Variants in ABCA12 observed in about 807,000 individuals in gnomAD.
ABCA12 encodes ATP binding cassette subfamily A member 12, also known as glucosylceramide transporter ABCA12.
In ABCA12, 156 loss-of-function variants were observed where a neutral mutation model predicts 293.5. That is an observed-to-expected ratio of 0.53 (90% confidence interval 0.47 to 0.61). ABCA12 has a LOEUF of 0.61. Ranked by LOEUF, ABCA12 falls within the 20% of genes least tolerant of loss-of-function variation. The probability of loss-of-function intolerance (pLI) is 0.00; values close to 1 mark genes in which losing one functional copy is unlikely to be tolerated. For synonymous variants in ABCA12, 1,063 were observed against 1,108.0 expected (o/e 0.96, Z 0.81); for missense variants, 2,797 against 3,090.2 (o/e 0.91, Z 2.25).
rs1699032387 is a variant in ABCA12 at position 214,958,880 on chromosome 2, C to A, written c.5939+144G>T. The A allele has an allele frequency of 4.3e-6, 4 of 935,558 alleles. No individual in the cohort carries two copies. The South Asian group carries it at 5.4e-5, about 13-fold the overall frequency. The allele number at this position is 935,558 out of a possible 1,614,324, so 58.0% of individuals were successfully genotyped here. ...CCACTCTACACCCTTGCAGAAACTT[C>A]CTTTGATCCCAGTCAGTGACATATT... On this transcript the variant is annotated intron_variant, in intron 40 of 52. Coordinates refer to ENST00000272895, the MANE Select transcript of ABCA12 (RefSeq NM_173076.3).
chr2:215,054,518 G>A lies in ABCA12; in HGVS notation c.409+55C>T. On this transcript the variant is annotated intron_variant, in intron 4 of 52. Coordinates refer to ENST00000272895, the MANE Select transcript of ABCA12 (RefSeq NM_173076.3). Reference sequence around the variant, plus strand: ...TAAAGTATAAACCTTTCAAAGATTAGACCTTTACTGTTCCATAAGGCTTGT... The same window carrying A: ...TAAAGTATAAACCTTTCAAAGATTAAACCTTTACTGTTCCATAAGGCTTGT... 3.6e-6 allele frequency: 5 copies of A among 1,379,850 alleles called. No homozygotes were observed. In the South Asian group the frequency reaches 5.8e-5, roughly 16 times the overall value. 85.5% of individuals were successfully genotyped at this position (1,379,850 alleles called of 1,614,324 possible). A position where few individuals can be genotyped will look rare whatever the true frequency, so the allele number is the denominator to read the frequency against.
chr2:215,004,265 A>G lies in ABCA12; in HGVS notation c.2627T>C (p.Val876Ala). ...TLRNPFVQVF[V>A]KFSVGLDAVE... ...AGCATCGAGTCCCACGGAGAACTTTACAAAAACTTGCACAAAAGGGTTCCT... is the reference window on the plus strand; with the variant it reads ...AGCATCGAGTCCCACGGAGAACTTTGCAAAAACTTGCACAAAAGGGTTCCT... Residue 876 changes from valine (V) to alanine (A), a missense_variant, in exon 20 of 53, where the codon GTA becomes GCA. Physicochemically the swap from Val to Ala is moderately conservative, Grantham distance 64 (BLOSUM62 0). This residue lies in a region of ABCA12 where 2,130 missense variants were observed against 2,427.0 expected (regional missense o/e 0.88). Coordinates refer to ENST00000272895, the MANE Select transcript of ABCA12 (RefSeq NM_173076.3). The G allele has an allele frequency of 1.9e-6, 3 of 1,613,896 alleles. No individual in the cohort carries two copies. Among genetic ancestry groups the G allele is most frequent in the Non-Finnish European group, 1.7e-6 (2 of 1,179,968 alleles).
chr2:215,045,685 T>C (rs781429006), intron 7 of ABCA12, 152 bp downstream of exon 7: 5 of 720,212 alleles, frequency 6.9e-6, no homozygotes, highest in Non-Finnish European at 1.1e-5. Flanking sequence ...ACTAATACAC[T>C]CACCTTCACT....
chr2:214,987,517 T>TA, intron 27 of ABCA12, 130 bp downstream of exon 27: 1 of 1,215,066 alleles, frequency 8.2e-7, no homozygotes, highest in Non-Finnish European at 1.1e-6. Flanking sequence ...GACGCATGTG[T>TA]AGACATTTTC....
At chr2:214,955,451 G>A in intron 42 of ABCA12, 90 bp from the exon 43 acceptor site, 1 of 1,336,036 alleles carries the variant, frequency 7.5e-7, no homozygotes, top group Non-Finnish European at 1.1e-6. Context: ...GGAGGCTGAG[G>A]CAGGTGGATC....
chr2:214,947,143 T>A lies in ABCA12; in HGVS notation c.7239+279A>T, dbSNP rs188080351. ...TACTCATTTGAGTACCCTGAATTTG[T>A]TTCACTTCCCATTTCCATGCCAGTG... On this transcript the variant is annotated intron_variant, in intron 48 of 52. Transcript: ENST00000272895. Among the ~76,000 whole-genome samples, 5 of 152,306 alleles carry A rather than the reference T, an allele frequency of 3.3e-5. No homozygotes were observed. The East Asian group carries it at 9.6e-4, about 29-fold the overall frequency.
At position 214,947,465 on chromosome 2, in the gene ABCA12, G is replaced by A; in HGVS notation, c.7196C>T (p.Ser2399Phe). The A allele has an allele frequency of 6.2e-7, 1 of 1,613,948 alleles. No homozygotes were observed. The highest frequency in any genetic ancestry group is 8.5e-7 in the Non-Finnish European group (1 of 1,179,888). ...TTTCCCTATCAAGGCCAGTGCAGTG[G>A]ATAATTTTCTTTTTGTGCCATAACT... ...MCSYGTKRKL[S>F]TALALIGKPS... The change falls in exon 48 of 53, where the codon TCC becomes TTC. Residue 2399 changes from serine to phenylalanine, a missense_variant. Around this residue, in one of 3 missense-constraint regions of ABCA12, gnomAD observed 2,130 missense variants for 2,427.0 expected, o/e 0.88. Transcript: ENST00000272895.
At chr2:215,053,701 C>T (rs1227521681) in intron 4 of ABCA12, among the ~76,000 whole-genome samples, 1 of 151,840 alleles carries the variant, frequency 6.6e-6, no homozygotes, top group Non-Finnish European at 1.5e-5. Flanking sequence ...CTTAAATATC[C>T]CATGGCCTTT....
At chr2:214,934,578 A>G (rs934079429) in intron 51 of ABCA12, among the ~76,000 whole-genome samples, 3 of 152,176 alleles carry the variant, frequency 2.0e-5, no homozygotes, top group African/African-American at 7.2e-5. Context: ...AAGAAATTTC[A>G]TTTTTGTGTT....
rs757517407 is a variant in ABCA12 at position 214,970,335 on chromosome 2, G to T, written c.5628C>A (p.Asn1876Lys). The change falls in exon 37 of 53, where the codon AAC becomes AAA. Residue 1876 changes from asparagine to lysine, a missense_variant. By Grantham distance (94) the Asn-to-Lys change is moderately conservative. Coordinates refer to ENST00000272895, the MANE Select transcript of ABCA12 (RefSeq NM_173076.3). ...AATTTTCCACTCGTTGCCCAGTGAG[G>T]TTATAAATTACCTGGGATGAGTAAG... ...RRTYSSQVIY[N>K]LTGQRVENYL... 19 of 1,613,052 alleles carry T rather than the reference G, an allele frequency of 1.2e-5. No homozygotes were observed. The South Asian group carries it at 1.3e-4, about 11-fold the overall frequency.
rs1268312876 is a variant in ABCA12, at chr2:215,081,504, AAG to A, written c.164-17287_164-17286del. 6.4e-3 allele frequency among the ~76,000 whole-genome samples: 960 copies of A among 149,274 alleles called. 6 individuals carry two copies. The highest frequency in any genetic ancestry group is 0.022 in the African/African-American group (894 of 40,632). On this transcript the variant is annotated intron_variant, in intron 2 of 52. Coordinates refer to ENST00000272895, the MANE Select transcript of ABCA12 (RefSeq NM_173076.3). ...AAAAAAAAAAAAAAGAAAAAGAAAA[AAG>A]AAAAAGAAAAAAGAAAAAGTAAAAG...
At chr2:215,104,344 AG>A (rs1194730867) in intron 2 of ABCA12, among the ~76,000 whole-genome samples, 1 of 152,180 alleles carries the variant, frequency 6.6e-6, no homozygotes, top group Non-Finnish European at 1.5e-5. Flanking sequence ...TGAGCCTAAG[AG>A]GGCATTAGCT....
intron 28 of ABCA12, 67 bp from the exon 29 acceptor site, chr2:214,983,932 T>G: frequency 7.1e-7 from 1 of 1,416,070 alleles, no homozygotes; most frequent in Non-Finnish European, 9.8e-7. Context: ...GGAATAACTA[T>G]ATCTCAGTTG....
In ABCA12 at chr2:214,956,766, C is replaced by T; in HGVS notation, c.6130G>A (p.Val2044Met). Reference protein sequence around the residue: ...NFIYDMVFYLVPVAFSIGIIA... With the variant: ...NFIYDMVFYLMPVAFSIGIIA... ...ATACCAATTGAAAACGCTACAGGCA[C>T]CAAGTAGAAAACCTATGGAAATATT... is the stretch of plus-strand genomic sequence containing the variant. The change falls in exon 42 of 53, where the codon GTG (valine) becomes ATG (methionine). Residue 2044 changes from valine to methionine, a missense_variant. Transcript: ENST00000272895. The T allele has an allele frequency of 1.9e-6, 3 of 1,610,656 alleles. No homozygotes were observed. The highest frequency in any genetic ancestry group is 2.5e-6 in the Non-Finnish European group (3 of 1,177,814).
rs566330429 is a variant in ABCA12, at chr2:214,991,818, A to G, written c.3295-787T>C. 1.8e-4 allele frequency among the ~76,000 whole-genome samples: 27 copies of G among 152,290 alleles called. 1 individual carries two copies. Among genetic ancestry groups the G allele is most frequent in the African/African-American group, 6.0e-4 (25 of 41,580 alleles). The stretch of plus-strand genomic sequence containing the variant: ...ATAAACAAGCACAATCAATTTGTGC[A>G]TTAACTCAAAAGGATTCTGAAAGAT... On this transcript the variant is annotated intron_variant, in intron 23 of 52. Coordinates refer to ENST00000272895, the MANE Select transcript of ABCA12 (RefSeq NM_173076.3).
chr2:214,965,742 C>T (rs547546055), intron 39 of ABCA12, among the ~76,000 whole-genome samples: 18 of 152,012 alleles, frequency 1.2e-4, no homozygotes, highest in African/African-American at 1.9e-4. Context: ...TAGATGCTGG[C>T]GAGGTTGCAG....
In ABCA12 at chr2:215,085,762, T is replaced by C. The variant is rs1050107866; in HGVS notation, c.164-21543A>G. ...TTTGTAAGTAACTGCAGTAGAATTA[T>C]TGGGGCAGGGTGGGGAATGAAGAAG... is the stretch of plus-strand genomic sequence containing the variant. On this transcript the variant is annotated intron_variant, in intron 2 of 52. Transcript: ENST00000272895. 4.7e-4 allele frequency among the ~76,000 whole-genome samples: 72 copies of C among 152,252 alleles called. 1 individual carries two copies. Among genetic ancestry groups the C allele is most frequent in the Admixed American group, 3.9e-3 (59 of 15,288 alleles).
Position 214,973,966 on chromosome 2 carries a change from AG to A in ABCA12, c.5544del (p.Cys1849AlafsTer25), listed in dbSNP as rs1300458945. Reference sequence around the variant, plus strand: ...CATCTTACCTGGACATTTTCTGAGCAGGAGCAAACACCAAAATTAGTGATGG... The same window carrying A: ...CATCTTACCTGGACATTTTCTGAGCAGAGCAAACACCAAAATTAGTGATGG... ...GEPITNFGVC[S>X]CSENVQECPK... is the part of the protein sequence containing the mutation. On this transcript the variant is annotated frameshift_variant, in exon 36 of 53. Coordinates refer to ENST00000272895, the MANE Select transcript of ABCA12 (RefSeq NM_173076.3). LOFTEE classifies it high-confidence loss of function. 3.1e-6 allele frequency: 5 copies of A among 1,613,952 alleles called. No individual in the cohort carries two copies. The South Asian group carries it at 5.5e-5, about 18-fold the overall frequency.
chr2:215,137,245 C>A (rs1014655885), intron 1 of ABCA12, among the ~76,000 whole-genome samples: 1 of 152,034 alleles, frequency 6.6e-6, no homozygotes, highest in Non-Finnish European at 1.5e-5. Context: ...AAGCCTGGAG[C>A]GAGATAAGGT....
Sources: gnomAD v4.1 joint callset for allele counts (sites outside exome capture counted in the v4.1 genomes callset) on GRCh38, gnomAD v4.1.1 for gene constraint, gnomAD v4.1.1 regional missense constraint, MANE v1.5 for transcripts, NCBI Gene and HGNC (gene_info 2026-07-23, HGNC 2026-07-21) for gene names.